Variants in SLC39A11 observed in about 807,000 individuals in gnomAD.
SLC39A11 encodes the protein solute carrier family 39 member 11, also known as zinc transporter ZIP11.
A neutral mutation model predicts 36.1 loss-of-function variants in SLC39A11; 33 were observed. That is an observed-to-expected ratio of 0.91 (90% CI 0.69 to 1.22). The LOEUF (loss-of-function observed/expected upper bound fraction) is 1.22, where lower values mean the gene tolerates loss of function less well. SLC39A11 is among the 50% of genes most tolerant of loss of function. SLC39A11 has a pLI of 0.00. For synonymous variants in SLC39A11, 166 were observed against 170.3 expected, an observed-to-expected ratio of 0.97 and a Z score of 0.20; for missense variants, 432 against 430.3, an observed-to-expected ratio of 1.00 and a Z score of -0.03.
chr17:72,718,353 C>T (rs1039782690), intron 7 of SLC39A11, among the ~76,000 whole-genome samples: 1 of 152,124 alleles, frequency 6.6e-6, no homozygotes, highest in Non-Finnish European at 1.5e-5. Context: ...GCAGGAGAAT[C>T]GCTTGAACCT....
intron 5 of SLC39A11, among the ~76,000 whole-genome samples, chr17:72,851,891 G>GA (rs1357258789): frequency 6.6e-6 from 1 of 152,028 alleles, no homozygotes; most frequent in African/African-American, 2.4e-5. Context: ...AACATTAGAA[G>GA]AAAAAAACTT....
chr17:72,909,734 C>CT (rs147532192), intron 5 of SLC39A11, among the ~76,000 whole-genome samples: 24 of 134,420 alleles, frequency 1.8e-4, no homozygotes, highest in Middle Eastern at 4.0e-3. Flanking sequence ...GTCTTTCTTT[C>CT]TTTTTTTTCT....
intron 4 of SLC39A11, among the ~76,000 whole-genome samples, chr17:73,004,875 CCAAA>C (rs1403319904): frequency 7.5e-6 from 1 of 133,280 alleles, no homozygotes; most frequent in East Asian, 2.0e-4. Context: ...CATGGAATAC[CCAAA>C]CAGTCCACGA....
intron 3 of SLC39A11, among the ~76,000 whole-genome samples, chr17:73,065,142 C>T (rs1241702323): frequency 3.9e-5 from 6 of 152,190 alleles, no homozygotes; most frequent in Admixed American, 2.6e-4. Context: ...CAGTGGCTCA[C>T]GTCTGTAATC....
At chr17:73,063,667 T>C (rs1487889755) in intron 3 of SLC39A11, among the ~76,000 whole-genome samples, 1 of 152,124 alleles carries the variant, frequency 6.6e-6, no homozygotes, top group Non-Finnish European at 1.5e-5. Flanking sequence ...ACAAGATTAT[T>C]GCAAGGGTCA....
chr17:72,922,192 G>A (rs1419867855), intron 5 of SLC39A11, among the ~76,000 whole-genome samples: 1 of 152,162 alleles, frequency 6.6e-6, no homozygotes, highest in Non-Finnish European at 1.5e-5. Flanking sequence ...GGTATCAAAT[G>A]ATCACAGAAG....
chr17:73,059,662 A>G (rs1292388854), intron 3 of SLC39A11, among the ~76,000 whole-genome samples: 3 of 150,824 alleles, frequency 2.0e-5, no homozygotes, highest in Non-Finnish European at 4.4e-5. Context: ...TCCAAAAAAA[A>G]AAAAAAACTG....
chr17:72,693,001 G>C (rs1043105732), intron 7 of SLC39A11, among the ~76,000 whole-genome samples: 1 of 152,120 alleles, frequency 6.6e-6, no homozygotes, highest in South Asian at 2.1e-4. Flanking sequence ...AGCACTAAAA[G>C]GATATTAAAT....
At chr17:73,062,475 A>AAAAAAAAAAAAAAAACAAAAC (rs56021607) in intron 3 of SLC39A11, among the ~76,000 whole-genome samples, 12 of 87,042 alleles carry the variant, frequency 1.4e-4, no homozygotes, top group African/African-American at 5.0e-4. Flanking sequence ...AAAAAAAAAA[A>AAAAAAAAAAAAAAAACAAAAC]AAACTTTAGG....
At chr17:73,052,421 G>A (rs1283539047) in intron 3 of SLC39A11, among the ~76,000 whole-genome samples, 3 of 151,924 alleles carry the variant, frequency 2.0e-5, no homozygotes, top group African/African-American at 7.3e-5. Context: ...TTTCCACCAC[G>A]CAGAACAAAG....
At chr17:73,051,655 C>T (rs373623812) in intron 3 of SLC39A11, among the ~76,000 whole-genome samples, 8 of 140,734 alleles carry the variant, frequency 5.7e-5, no homozygotes, top group Admixed American at 4.3e-4. Context: ...GTCAGGAGTT[C>T]GAGACCAGCC....
intron 6 of SLC39A11, among the ~76,000 whole-genome samples, chr17:72,785,902 A>G (rs2076497841): frequency 6.6e-6 from 1 of 152,148 alleles, no homozygotes; most frequent in Non-Finnish European, 1.5e-5. Flanking sequence ...CCAGGAAAAT[A>G]TGTTAGCTTG....
At chr17:72,664,394 G>A (rs577251626) in intron 7 of SLC39A11, among the ~76,000 whole-genome samples, 1 of 152,190 alleles carries the variant, frequency 6.6e-6, no homozygotes, top group Non-Finnish European at 1.5e-5. Context: ...GTGGTCAGTG[G>A]CAGCTTTGGG....
intron 4 of SLC39A11, among the ~76,000 whole-genome samples, chr17:73,029,773 G>T (rs1196199142): frequency 1.3e-5 from 2 of 152,168 alleles, no homozygotes; most frequent in Non-Finnish European, 1.5e-5. Context: ...GTAAAGATGG[G>T]GTTTCTCCAC....
intron 4 of SLC39A11, among the ~76,000 whole-genome samples, chr17:73,000,265 A>C (rs1254403272): frequency 9.6e-4 from 101 of 105,010 alleles, no homozygotes; most frequent in African/African-American, 1.6e-3. Flanking sequence ...CTCTCCTCTC[A>C]TCTCTCCTTT....
intron 6 of SLC39A11, among the ~76,000 whole-genome samples, chr17:72,784,951 C>T (rs928089074): frequency 2.6e-5 from 4 of 151,854 alleles, no homozygotes; most frequent in Non-Finnish European, 4.4e-5. Context: ...CCTCCACCTC[C>T]CAGGTTCAAG....
chr17:72,669,481 G>T (rs1190710857), intron 7 of SLC39A11, among the ~76,000 whole-genome samples: 1 of 152,142 alleles, frequency 6.6e-6, no homozygotes, highest in Admixed American at 6.5e-5. Context: ...GGGTTTCTCT[G>T]ATATTTTCTC....
At chr17:72,737,269 C>T in intron 6 of SLC39A11, among the ~76,000 whole-genome samples, 1 of 121,118 alleles carries the variant, frequency 8.3e-6, no homozygotes, top group East Asian at 2.1e-4. Flanking sequence ...AAGTGAGACT[C>T]TGTCTCAAAA....
chr17:72,830,080 T>C (rs2078214575), intron 6 of SLC39A11, among the ~76,000 whole-genome samples: 1 of 152,192 alleles, frequency 6.6e-6, no homozygotes, highest in African/African-American at 2.4e-5. Context: ...TATGAGGCCA[T>C]GAGGAAATGC....
Sources: gnomAD v4.1 joint callset for allele counts (sites outside exome capture counted in the v4.1 genomes callset) on GRCh38, gnomAD v4.1.1 for gene constraint, MANE v1.5 for transcripts, NCBI Gene and HGNC (gene_info 2026-07-23, HGNC 2026-07-21) for gene names.